C2CD5: variants seen among roughly 807,000 people sequenced by gnomAD.
The protein encoded by C2CD5 is C2 domain-containing protein 5.
Under a neutral mutation model 130.3 loss-of-function variants are expected in C2CD5, and 109 were observed. The ratio of observed to expected loss-of-function variants is 0.84; its 90% CI spans 0.72 to 0.98. The LOEUF is 0.98. Ranked by LOEUF, C2CD5 falls within the 50% of genes least tolerant of loss-of-function variation. The probability of loss-of-function intolerance (pLI) is 0.00; values close to 1 mark genes in which losing one functional copy is unlikely to be tolerated. For synonymous variants in C2CD5, 454 were observed against 429.2 expected (o/e 1.06, Z -0.71); for missense variants, 996 against 1,261.8 (o/e 0.79, Z 3.19).
intron 15 of C2CD5, among the ~76,000 whole-genome samples, 198 bp from the exon 16 acceptor site, chr12:22,475,089 A>AAT (rs1373918544): frequency 6.6e-6 from 1 of 152,114 alleles, no homozygotes; most frequent in Non-Finnish European, 1.5e-5. Flanking sequence ...GAATCAGAAA[A>AAT]ATATATATAA....
chr12:22,475,878 T>G (rs1040460858), intron 15 of C2CD5, among the ~76,000 whole-genome samples: 1 of 152,166 alleles, frequency 6.6e-6, no homozygotes, highest in Non-Finnish European at 1.5e-5. Flanking sequence ...TGCCTAAATT[T>G]GGAAAACTAG....
Position 22,471,483 on chromosome 12 carries a change from C to G in C2CD5, c.2274G>C (p.Leu758=). 1 of 1,579,622 alleles carries G rather than the reference C, an allele frequency of 6.3e-7. No individual in the cohort carries two copies. The highest frequency in any genetic ancestry group is 8.7e-7 in the Non-Finnish European group (1 of 1,150,970). ...GGATCATAGATCGTAGTTTAAAGTACAGGCTCTACACAATAGAAAATATTA... is the reference window on the plus strand; with the variant it reads ...GGATCATAGATCGTAGTTTAAAGTAGAGGCTCTACACAATAGAAAATATTA... ...NDLCENLLKS[L]YFKLRSMIPC... Residue 758 remains leucine (L), a synonymous_variant, in exon 20 of 27, where the codon CTG becomes CTC. Transcript: ENST00000446597.
At chr12:22,509,724 T>C (rs1948975603) in intron 9 of C2CD5, among the ~76,000 whole-genome samples, 1 of 152,128 alleles carries the variant, frequency 6.6e-6, no homozygotes, top group African/African-American at 2.4e-5. Context: ...TTGTGCTGTA[T>C]AACCTTTCCC....
intron 9 of C2CD5, among the ~76,000 whole-genome samples, chr12:22,509,589 G>A (rs189695541): frequency 4.6e-5 from 7 of 152,208 alleles, no homozygotes; most frequent in South Asian, 2.1e-4. Flanking sequence ...CCAAAACTCC[G>A]TCTTCATACA....
intron 12 of C2CD5, 66 bp downstream of exon 12, chr12:22,490,057 T>C (rs1946142643): frequency 8.6e-7 from 1 of 1,157,398 alleles, no homozygotes; most frequent in Non-Finnish European, 1.3e-6. Context: ...ATCCCAACTC[T>C]CAGAAAAAAA....
At chr12:22,460,478 TA>T (rs761061141) in intron 22 of C2CD5, 14 of 152,058 alleles carry the variant, frequency 9.2e-5, no homozygotes, top group African/African-American at 3.1e-4. Context: ...CTTAAATTAA[TA>T]AAAAAACTTT....
chr12:22,523,439 T>C lies in C2CD5; in HGVS notation c.787A>G (p.Lys263Glu), dbSNP rs1381001144. The C allele has an allele frequency of 6.2e-7, 1 of 1,613,234 alleles. No homozygotes were observed. Among genetic ancestry groups the C allele is most frequent in the Non-Finnish European group, 8.5e-7 (1 of 1,179,418 alleles). Residue 263 changes from lysine to glutamate, a missense_variant, in exon 7 of 27, where the codon AAA (lysine) becomes GAA (glutamate). Physicochemically the swap from Lys to Glu is moderately conservative, Grantham distance 56 (BLOSUM62 1). This residue lies in a region of C2CD5 where 156 missense variants were observed against 165.9 expected (regional missense o/e 0.94). Coordinates refer to ENST00000446597, the MANE Select transcript of C2CD5 (RefSeq NM_001286176.2). ...AFLPACNSPS[K>E]EMKEIPFNED... ...ATTCATACTTACTCCTTCATTTCTT[T>C]GGATGGGGAATTACATGCAGGAAGG...
At chr12:22,537,041 A>G (rs879726262) in intron 2 of C2CD5, among the ~76,000 whole-genome samples, 11 of 152,228 alleles carry the variant, frequency 7.2e-5, no homozygotes, top group Non-Finnish European at 1.5e-4. Context: ...AACATTCAAA[A>G]TCATTCAAAA....
rs770649656 is a variant in C2CD5 at position 22,513,391 on chromosome 12, C to A, written c.953-12G>T. On this transcript the variant is annotated splice_polypyrimidine_tract_variant and intron_variant, in intron 8 of 26. Transcript: ENST00000446597. ...ACCACTTCCCATTCCTACAGAACAT[C>A]AGTACATAAATAACAACCAAAAAAG... 1.9e-6 allele frequency: 3 copies of A among 1,573,734 alleles called. No individual in the cohort carries two copies. The South Asian group carries it at 3.3e-5, about 17-fold the overall frequency.
chr12:22,489,194 A>C (rs1483837051), intron 12 of C2CD5, among the ~76,000 whole-genome samples: 1 of 151,732 alleles, frequency 6.6e-6, no homozygotes, highest in Admixed American at 6.6e-5. Context: ...CTTTCTTAAT[A>C]TATACTTAAT....
intron 3 of C2CD5, among the ~76,000 whole-genome samples, chr12:22,534,176 A>G (rs1400043042): frequency 6.6e-6 from 1 of 152,206 alleles, no homozygotes; most frequent in Non-Finnish European, 1.5e-5. Flanking sequence ...CAACAAAGCA[A>G]GACTCTGTCT....
intron 12 of C2CD5, among the ~76,000 whole-genome samples, chr12:22,488,875 CTTT>C (rs149777462): frequency 7.3e-6 from 1 of 137,714 alleles, no homozygotes; most frequent in African/African-American, 2.7e-5. Context: ...AATTTTTTTG[CTTT>C]TTTTTTTTTT....
chr12:22,463,776 G>C (rs1941602468), intron 22 of C2CD5: 1 of 152,102 alleles, frequency 6.6e-6, no homozygotes, highest in Non-Finnish European at 1.5e-5. Flanking sequence ...AAAAATATTT[G>C]AGAAAATCTT....
chr12:22,517,027 A>G (rs1477507131), intron 8 of C2CD5, among the ~76,000 whole-genome samples: 1 of 151,934 alleles, frequency 6.6e-6, no homozygotes, highest in Non-Finnish European at 1.5e-5. Context: ...AAAAACAGAA[A>G]TTAAATCTAT....
intron 14 of C2CD5, among the ~76,000 whole-genome samples, chr12:22,479,933 T>G (rs1434837150): frequency 6.6e-6 from 1 of 152,190 alleles, no homozygotes; most frequent in Non-Finnish European, 1.5e-5. Flanking sequence ...AGATATTTGT[T>G]ATTATTATTT....
At chr12:22,507,772 T>C (rs575672267) in intron 9 of C2CD5, among the ~76,000 whole-genome samples, 73 of 152,272 alleles carry the variant, frequency 4.8e-4, no homozygotes, top group African/African-American at 1.6e-3. Context: ...ATTTAGAACA[T>C]AATTGAGCAT....
In C2CD5 at chr12:22,474,867, A is replaced by G. The variant is rs759132720; in HGVS notation, c.1927T>C (p.Ser643Pro). The G allele has an allele frequency of 6.3e-7, 1 of 1,596,580 alleles. No individual in the cohort carries two copies. The highest frequency in any genetic ancestry group is 8.5e-7 in the Non-Finnish European group (1 of 1,169,628). ...PPEISEEIIG[S>P]PIPEPRQRSR... is the part of the protein sequence containing the mutation. ...CGTTGCCTAGGTTCTGGGATGGGTGATCCTATAATCTCTTCAGATATCTCC... is the reference window on the plus strand; with the variant it reads ...CGTTGCCTAGGTTCTGGGATGGGTGGTCCTATAATCTCTTCAGATATCTCC... Residue 643 changes from serine (S) to proline (P), a missense_variant, in exon 16 of 27, where the codon TCA (serine) becomes CCA (proline). Ser to Pro is a moderately conservative substitution (Grantham distance 74). Transcript: ENST00000446597.
intron 10 of C2CD5, chr12:22,502,661 C>T: frequency 1.3e-6 from 1 of 750,734 alleles, no homozygotes; most frequent in South Asian, 1.6e-5. Context: ...CCTACTTCAT[C>T]TAGAACATTT....
intron 26 of C2CD5, among the ~76,000 whole-genome samples, chr12:22,452,414 G>C (rs1210148005): frequency 6.6e-6 from 1 of 151,832 alleles, no homozygotes; most frequent in African/African-American, 2.4e-5. Context: ...TTCTCCCCAT[G>C]TACCCCTTTT....
Sources: gnomAD v4.1 joint callset for allele counts (sites outside exome capture counted in the v4.1 genomes callset) on GRCh38, gnomAD v4.1.1 for gene constraint, gnomAD v4.1.1 regional missense constraint, MANE v1.5 for transcripts, NCBI Gene and HGNC (gene_info 2026-07-23, HGNC 2026-07-21) for gene names.